The following KCNIP4 variants were observed in gnomAD, a reference collection of about 807,000 sequenced individuals.
KCNIP4 encodes Kv channel-interacting protein 4.
KCNIP4 carries 12 observed loss-of-function variants against 34.0 expected under a neutral mutation model. The ratio of observed to expected loss-of-function variants is 0.35; its 90% CI spans 0.23 to 0.57. KCNIP4 has a LOEUF of 0.57. KCNIP4 is among the 20% of genes least tolerant of loss of function. The pLI is 0.83. For missense variants in KCNIP4, 238 were observed against 311.7 expected (o/e 0.76, Z 1.78); for synonymous variants, 124 against 102.2 (o/e 1.21, Z -1.29).
At chr4:21,593,951 T>C (rs1299854377) in intron 1 of KCNIP4, among the ~76,000 whole-genome samples, 1 of 152,110 alleles carries the variant, frequency 6.6e-6, no homozygotes, top group Non-Finnish European at 1.5e-5. Flanking sequence ...ATCATTTGTG[T>C]TCAAAATTAC....
At chr4:21,564,058 T>C (rs1739657199) in intron 1 of KCNIP4, among the ~76,000 whole-genome samples, 1 of 152,166 alleles carries the variant, frequency 6.6e-6, no homozygotes, top group Non-Finnish European at 1.5e-5. Flanking sequence ...GTATTATTGC[T>C]ATTATATCCA....
chr4:21,324,615 T>G (rs911983689), intron 1 of KCNIP4, among the ~76,000 whole-genome samples: 1 of 150,720 alleles, frequency 6.6e-6, no homozygotes, highest in Non-Finnish European at 1.5e-5. Context: ...TATCTGTCTG[T>G]TTTTATGCCA....
chr4:20,951,792 C>T (rs1732811098), intron 1 of KCNIP4, among the ~76,000 whole-genome samples: 1 of 152,192 alleles, frequency 6.6e-6, no homozygotes, highest in Admixed American at 6.5e-5. Flanking sequence ...TCTGGGTTTA[C>T]TTAAGTAGTT....
At chr4:21,329,476 A>G (rs1348617868) in intron 1 of KCNIP4, among the ~76,000 whole-genome samples, 2 of 152,226 alleles carry the variant, frequency 1.3e-5, no homozygotes, top group African/African-American at 4.8e-5. Context: ...AGGTATCAGT[A>G]TACAAGAAAT....
chr4:21,172,250 T>C, intron 1 of KCNIP4, among the ~76,000 whole-genome samples: 1 of 152,124 alleles, frequency 6.6e-6, no homozygotes, highest in East Asian at 1.9e-4. Context: ...CAGTCTGGTC[T>C]CAAACACCTG....
chr4:21,025,543 G>GT (rs772689134), intron 1 of KCNIP4, among the ~76,000 whole-genome samples: 7,753 of 34,560 alleles, frequency 0.22, 2,835 homozygotes, highest in East Asian at 0.47. Context: ...CATTGATACT[G>GT]TTTTTTTTTT....
At chr4:20,784,016 A>G (rs1379289514) in intron 3 of KCNIP4, among the ~76,000 whole-genome samples, 3 of 152,138 alleles carry the variant, frequency 2.0e-5, no homozygotes, top group Non-Finnish European at 4.4e-5. Flanking sequence ...CTGTCAGGGT[A>G]TTCTCTGAGG....
chr4:21,478,715 A>G (rs1394803345), intron 1 of KCNIP4, among the ~76,000 whole-genome samples: 1 of 152,170 alleles, frequency 6.6e-6, no homozygotes, highest in Non-Finnish European at 1.5e-5. Flanking sequence ...GGAATGCACT[A>G]ATGATAAGCA....
At chr4:21,293,306 T>C (rs951843768) in intron 1 of KCNIP4, among the ~76,000 whole-genome samples, 5 of 152,344 alleles carry the variant, frequency 3.3e-5, no homozygotes, top group South Asian at 4.1e-4. Flanking sequence ...TTACCCAATG[T>C]CAACTCTTAA....
chr4:21,898,196 G>T (rs1348194076), intron 1 of KCNIP4, among the ~76,000 whole-genome samples: 2 of 152,094 alleles, frequency 1.3e-5, no homozygotes, highest in Admixed American at 1.3e-4. Context: ...CTTGAAAGGC[G>T]GTATAGGCCC....
At chr4:21,733,936 C>T (rs768799173) in intron 1 of KCNIP4, among the ~76,000 whole-genome samples, 3 of 152,168 alleles carry the variant, frequency 2.0e-5, no homozygotes, top group African/African-American at 4.8e-5. Context: ...CAGCTTGAGA[C>T]AGTATCATTC....
At chr4:21,091,407 G>A (rs1255651744) in intron 1 of KCNIP4, among the ~76,000 whole-genome samples, 1 of 152,148 alleles carries the variant, frequency 6.6e-6, no homozygotes, top group Non-Finnish European at 1.5e-5. Flanking sequence ...GGGCATTAAG[G>A]CTTAAGATAA....
intron 1 of KCNIP4, among the ~76,000 whole-genome samples, chr4:21,022,631 G>T (rs1740172742): frequency 6.6e-6 from 1 of 152,120 alleles, no homozygotes; most frequent in Non-Finnish European, 1.5e-5. Context: ...TCTGATGCAT[G>T]CCAGAAATAG....
chr4:20,804,241 G>A (rs1003514502), intron 3 of KCNIP4, among the ~76,000 whole-genome samples: 11 of 152,148 alleles, frequency 7.2e-5, no homozygotes, highest in Admixed American at 1.3e-4. Flanking sequence ...AAGGCACACA[G>A]TAATCCAGTA....
chr4:21,738,314 T>C (rs1716153925), intron 1 of KCNIP4, among the ~76,000 whole-genome samples: 1 of 152,042 alleles, frequency 6.6e-6, no homozygotes, highest in Non-Finnish European at 1.5e-5. Context: ...AAATGCAAGC[T>C]GTTTAAATTA....
intron 1 of KCNIP4, among the ~76,000 whole-genome samples, chr4:21,128,432 C>T (rs780565196): frequency 6.6e-6 from 1 of 152,166 alleles, no homozygotes; most frequent in Non-Finnish European, 1.5e-5. Context: ...GGAAAAAGAG[C>T]ATTTGTCACA....
chr4:21,027,689 T>G (rs1297328307), intron 1 of KCNIP4, among the ~76,000 whole-genome samples: 3 of 151,814 alleles, frequency 2.0e-5, no homozygotes, highest in Non-Finnish European at 4.4e-5. Context: ...TTTGTTTTAA[T>G]TGCAAAAGTC....
chr4:21,939,002 C>T (rs192087850), intron 1 of KCNIP4, among the ~76,000 whole-genome samples: 27 of 152,166 alleles, frequency 1.8e-4, no homozygotes, highest in African/African-American at 4.8e-4. Flanking sequence ...ACACAAATTA[C>T]ATTAAGGCTG....
intron 1 of KCNIP4, among the ~76,000 whole-genome samples, chr4:21,318,432 C>T (rs941334939): frequency 6.6e-6 from 1 of 152,162 alleles, no homozygotes; most frequent in Non-Finnish European, 1.5e-5. Context: ...TATAATTCTA[C>T]TCTATTTGGA....
Sources: gnomAD v4.1 joint callset for allele counts (sites outside exome capture counted in the v4.1 genomes callset) on GRCh38, gnomAD v4.1.1 for gene constraint, MANE v1.5 for transcripts, NCBI Gene and HGNC (gene_info 2026-07-23, HGNC 2026-07-21) for gene names.